Variants in RASGEF1A observed in about 807,000 individuals in gnomAD.
RASGEF1A encodes the protein RasGEF domain family member 1A, also known as ras-GEF domain-containing family member 1A.
In RASGEF1A, 18 loss-of-function variants were observed where a neutral mutation model predicts 56.4. The ratio of observed to expected loss-of-function variants is 0.32; its 90% CI spans 0.22 to 0.47. The LOEUF (loss-of-function observed/expected upper bound fraction) is 0.47. RASGEF1A is among the 20% of genes least tolerant of loss of function. The pLI, the probability that RASGEF1A is intolerant of heterozygous loss-of-function variation, is 1.00. For synonymous variants in RASGEF1A, 245 were observed against 242.6 expected (o/e 1.01, Z -0.09); for missense variants, 422 against 627.1 (o/e 0.67, Z 3.49).
At position 43,238,231 on chromosome 10, in the gene RASGEF1A, A is replaced by G. The variant is rs1005396940; in HGVS notation, c.-7+28614T>C. Among the ~76,000 whole-genome samples the G allele has an allele frequency of 1.2e-4, 18 of 151,874 alleles. No individual in the cohort carries two copies. In the South Asian group the frequency reaches 2.3e-3, roughly 19 times the overall value. On this transcript the variant is annotated intron_variant, in intron 1 of 12. Coordinates refer to ENST00000395810, the MANE Select transcript of RASGEF1A (RefSeq NM_145313.4). ...CAGGGGAGTTAGCCGTGGCTAGTTT[A>G]TGTGTGCCTACAGGAGGGTTAGCCG... is the stretch of plus-strand genomic sequence containing the variant.
At chr10:43,236,566 C>T (rs531507669) in intron 1 of RASGEF1A, among the ~76,000 whole-genome samples, 15 of 152,366 alleles carry the variant, frequency 9.8e-5, no homozygotes, top group African/African-American at 3.6e-4. Flanking sequence ...CAGCATACAC[C>T]TTCTCTCCGT....
At chr10:43,236,185 A>C (rs1486216248) in intron 1 of RASGEF1A, among the ~76,000 whole-genome samples, 2 of 152,178 alleles carry the variant, frequency 1.3e-5, no homozygotes, top group Non-Finnish European at 2.9e-5. Flanking sequence ...GTGTGAGCTT[A>C]AGCGTCAGGG....
At chr10:43,210,104 T>C (rs1840045155) in intron 1 of RASGEF1A, among the ~76,000 whole-genome samples, 1 of 152,172 alleles carries the variant, frequency 6.6e-6, no homozygotes, top group Admixed American at 6.5e-5. Flanking sequence ...AGGTGAATCA[T>C]GTGCAGGTGA....
chr10:43,197,131 T>G, intron 10 of RASGEF1A, 32 bp from the exon 11 acceptor site: 1 of 1,610,354 alleles, frequency 6.2e-7, no homozygotes, highest in Non-Finnish European at 8.5e-7. Context: ...GATGTTCATC[T>G]GTCACCTTAA....
At chr10:43,257,396 C>T (rs570216815) in intron 1 of RASGEF1A, among the ~76,000 whole-genome samples, 1 of 152,370 alleles carries the variant, frequency 6.6e-6, no homozygotes, top group South Asian at 2.1e-4. Context: ...CCAGCGAGTC[C>T]CACCCATGCA....
intron 1 of RASGEF1A, among the ~76,000 whole-genome samples, chr10:43,241,767 T>TA (rs930151048): frequency 6.3e-4 from 93 of 146,760 alleles, no homozygotes; most frequent in Middle Eastern, 3.5e-3. Flanking sequence ...TTATCAGAGT[T>TA]AAAAAAAAAA....
intron 10 of RASGEF1A, 55 bp from the exon 11 acceptor site, chr10:43,197,154 C>A (rs146128600): frequency 3.8e-6 from 6 of 1,594,690 alleles, no homozygotes; most frequent in Non-Finnish European, 5.1e-6. Context: ...ACCAAACCCT[C>A]GGTCAGGGCA....
At chr10:43,245,768 T>C (rs1184751805) in intron 1 of RASGEF1A, among the ~76,000 whole-genome samples, 1 of 152,144 alleles carries the variant, frequency 6.6e-6, no homozygotes, top group Non-Finnish European at 1.5e-5. Context: ...ACTTCATCAA[T>C]CCAATAAAGG....
At chr10:43,208,248 T>G in intron 1 of RASGEF1A, 1 of 985,464 alleles carries the variant, frequency 1.0e-6, no homozygotes, top group Non-Finnish European at 1.2e-6. Flanking sequence ...AGAGGGCATT[T>G]GCCGAGCCAC....
Position 43,206,118 on chromosome 10 carries a change from G to T in RASGEF1A, c.-2C>A, listed in dbSNP as rs1358596280. 4 of 1,573,410 alleles carry T rather than the reference G, an allele frequency of 2.5e-6. No individual in the cohort carries two copies. Among genetic ancestry groups the T allele is most frequent in the Middle Eastern group, 1.8e-4 (1 of 5,508 alleles). ...GAAGACAACGGACGTCTGGGGCATA[G>T]TTTCCTGGGAGAAAAGAGCAAGGAC... On this transcript the variant is annotated 5_prime_UTR_variant, in exon 2 of 13. Transcript: ENST00000395810.
chr10:43,225,607 G>A (rs542880498), intron 1 of RASGEF1A, among the ~76,000 whole-genome samples: 5 of 150,322 alleles, frequency 3.3e-5, no homozygotes, highest in East Asian at 1.9e-4. Context: ...GTGTGTCCAC[G>A]GATCTCTCAG....
chr10:43,217,462 C>T (rs533541072), intron 1 of RASGEF1A, among the ~76,000 whole-genome samples: 1 of 152,380 alleles, frequency 6.6e-6, no homozygotes, highest in South Asian at 2.1e-4. Context: ...CCTAGGCCCT[C>T]CCAGCTCTGT....
At chr10:43,212,613 C>A (rs1840083498) in intron 1 of RASGEF1A, among the ~76,000 whole-genome samples, 1 of 152,232 alleles carries the variant, frequency 6.6e-6, no homozygotes, top group African/African-American at 2.4e-5. Flanking sequence ...CAGGGAGACA[C>A]ATGGAGTGTG....
intron 1 of RASGEF1A, among the ~76,000 whole-genome samples, chr10:43,246,770 T>A (rs1279076055): frequency 3.3e-5 from 5 of 152,182 alleles, no homozygotes; most frequent in Non-Finnish European, 5.9e-5. Context: ...AAAAATGAAT[T>A]CCAATGGATC....
At chr10:43,238,095 G>GT (rs1564539740) in intron 1 of RASGEF1A, among the ~76,000 whole-genome samples, 5 of 120,710 alleles carry the variant, frequency 4.1e-5, no homozygotes, top group Non-Finnish European at 7.0e-5. Context: ...CCTTTGGGGG[G>GT]CGGAGGGAGG....
chr10:43,212,556 G>A (rs1840082606), intron 1 of RASGEF1A, among the ~76,000 whole-genome samples: 1 of 152,236 alleles, frequency 6.6e-6, no homozygotes, highest in South Asian at 2.1e-4. Context: ...GAGCCTTAGT[G>A]GCACTGGCAC....
chr10:43,215,341 G>A (rs540353231), intron 1 of RASGEF1A, among the ~76,000 whole-genome samples: 4 of 152,300 alleles, frequency 2.6e-5, no homozygotes, highest in South Asian at 4.1e-4. Flanking sequence ...CAACAAAAAC[G>A]GAGACTATTT....
In RASGEF1A at chr10:43,198,115, G is replaced by T. The variant is rs1437200536; in HGVS notation, c.1113C>A (p.Asn371Lys). ...QGATQRSQMA[N>K]SSREKIVIPV... The stretch of plus-strand genomic sequence containing the variant: ...GGATGACGATCTTTTCACGGCTGCT[G>T]TTGGCCATCTGGGACCTCTGCGTGG... Residue 371 changes from asparagine (N) to lysine (K), a missense_variant, in exon 10 of 13, where the codon AAC becomes AAA. Asn to Lys is a moderately conservative substitution (Grantham distance 94). Coordinates refer to ENST00000395810, the MANE Select transcript of RASGEF1A (RefSeq NM_145313.4). 1.2e-6 allele frequency: 2 copies of T among 1,614,214 alleles called. No individual in the cohort carries two copies. Among genetic ancestry groups the T allele is most frequent in the Non-Finnish European group, 1.7e-6 (2 of 1,180,004 alleles).
intron 1 of RASGEF1A, among the ~76,000 whole-genome samples, chr10:43,241,819 A>T (rs1840504780): frequency 6.6e-6 from 1 of 152,176 alleles, no homozygotes; most frequent in Non-Finnish European, 1.5e-5. Context: ...GACCCACTTT[A>T]GAGAGAAGAA....
Sources: allele counts gnomAD v4.1 joint callset (sites outside exome capture counted in the v4.1 genomes callset), GRCh38; gene constraint gnomAD v4.1.1; transcripts MANE v1.5; gene names NCBI Gene and HGNC (gene_info 2026-07-23, HGNC 2026-07-21).